Variants in CHD1L observed in about 807,000 individuals in gnomAD.
The protein encoded by CHD1L is ATP-dependent chromatin remodeler CHD1L.
In CHD1L, 118 loss-of-function variants were observed where a neutral mutation model predicts 115.9. The observed-to-expected ratio is 1.02, with a 90% CI of 0.88 to 1.19. The LOEUF (loss-of-function observed/expected upper bound fraction) is 1.19. Among genes scored for constraint, CHD1L ranks in the 50% most tolerant of loss-of-function variants. CHD1L has a pLI of 0.00. For synonymous variants in CHD1L, 411 were observed against 387.1 expected, an observed-to-expected ratio of 1.06 and a Z score of -0.72; for missense variants, 1,179 against 1,065.3, an observed-to-expected ratio of 1.11 and a Z score of -1.49.
chr1:147,224,964 G>A, the CHD1L span: 4 of 1,613,904 alleles, frequency 2.5e-6, no homozygotes, highest in Middle Eastern at 1.6e-4. Context: ...CTTCTTCTAC[G>A]CAGCACTTGA....
At chr1:147,186,613 T>A in the CHD1L span, 1 of 1,118,370 alleles carries the variant, frequency 8.9e-7, no homozygotes, top group Non-Finnish European at 1.1e-6. Flanking sequence ...CTACCACATG[T>A]CAAGAACTCT....
At chr1:147,191,337 C>T in the CHD1L span, among the ~76,000 whole-genome samples, 1 of 152,118 alleles carries the variant, frequency 6.6e-6, no homozygotes, top group Non-Finnish European at 1.5e-5. Flanking sequence ...ACATCCTCTC[C>T]AGCACCTGTT....
At chr1:147,227,321 C>T in the CHD1L span, among the ~76,000 whole-genome samples, 1 of 152,132 alleles carries the variant, frequency 6.6e-6, no homozygotes, top group Non-Finnish European at 1.5e-5. Flanking sequence ...GAAGAAATGC[C>T]TAAAGGAAAA....
intron 14 of CHD1L, among the ~76,000 whole-genome samples, chr1:147,276,873 T>C (rs1553958284): frequency 6.6e-6 from 1 of 152,098 alleles, no homozygotes. Flanking sequence ...GTTTTTGCCC[T>C]AAGGATGAGG....
At chr1:147,184,001 A>G in the CHD1L span, among the ~76,000 whole-genome samples, 1 of 152,192 alleles carries the variant, frequency 6.6e-6, no homozygotes, top group Non-Finnish European at 1.5e-5. The surrounding 1 kb of genome is among the most constrained non-coding windows in gnomAD (Gnocchi z 4.4). Flanking sequence ...TTATATCACC[A>G]TTTTACATTC....
At position 147,295,481 on chromosome 1, in the gene CHD1L, C is replaced by T; in HGVS notation, c.2666C>T (p.Ser889Phe). The change falls in exon 23 of 23, where the codon TCT becomes TTT. Residue 889 changes from serine to phenylalanine, a missense_variant. Physicochemically the swap from Ser to Phe is radical, Grantham distance 155. Coordinates refer to ENST00000369258, the MANE Select transcript of CHD1L (RefSeq NM_004284.6). ...KSAVLHSQSSSSSSRQLVP is the reference protein window; with the variant it reads ...KSAVLHSQSSFSSSRQLVP The stretch of plus-strand genomic sequence containing the variant: ...GCTGTCCTTCATTCACAGTCTTCAT[C>T]TTCCTCCTCAAGACAGCTGGTGCCT... 6.2e-7 allele frequency: 1 copy of T among 1,611,232 alleles called. No individual in the cohort carries two copies. The highest frequency in any genetic ancestry group is 8.5e-7 in the Non-Finnish European group (1 of 1,178,414).
chr1:147,179,965 AT>A, the CHD1L span, among the ~76,000 whole-genome samples: 2 of 140,598 alleles, frequency 1.4e-5, no homozygotes, highest in Non-Finnish European at 3.1e-5. Context: ...AAAAAAAAAA[AT>A]AGGAATGCGG....
the CHD1L span, chr1:147,178,536 TGAGGAA>T: frequency 6.2e-7 from 1 of 1,611,506 alleles, no homozygotes; most frequent in Non-Finnish European, 8.5e-7. Flanking sequence ...CTCTCAGGAC[TGAGGAA>T]GAATTTAAGA....
the CHD1L span, chr1:147,208,886 C>G: frequency 6.2e-7 from 1 of 1,614,096 alleles, no homozygotes; most frequent in Non-Finnish European, 8.5e-7. Context: ...ATTTCATGGT[C>G]AAACCTTTGG....
intron 14 of CHD1L, among the ~76,000 whole-genome samples, chr1:147,277,967 G>C (rs1424093999): frequency 6.6e-6 from 1 of 152,110 alleles, no homozygotes; most frequent in Non-Finnish European, 1.5e-5. Context: ...ACATCACTGT[G>C]AAAGATGTAG....
the CHD1L span, chr1:147,201,071 C>T: frequency 1.0e-6 from 1 of 962,888 alleles, no homozygotes; most frequent in Admixed American, 2.2e-5. Context: ...CATGCTATCT[C>T]TAGCTATTTA....
the CHD1L span, chr1:147,204,787 C>A: frequency 1.3e-6 from 2 of 1,585,706 alleles, no homozygotes; most frequent in Admixed American, 1.7e-5. Context: ...CATTCCATTT[C>A]GTCCATATGC....
the CHD1L span, chr1:147,204,371 C>CGCAT: frequency 3.9e-6 from 4 of 1,035,602 alleles, no homozygotes; most frequent in Admixed American, 1.7e-5. Context: ...AAAATAGATA[C>CGCAT]GCATGCCTGA....
In CHD1L at chr1:147,293,705, C is replaced by T. The variant is rs1253751844; in HGVS notation, c.2489C>T (p.Ala830Val). Residue 830 changes from alanine to valine, a missense_variant, in exon 21 of 23, where the codon GCA becomes GTA. Ala to Val is a moderately conservative substitution (Grantham distance 64). Coordinates refer to ENST00000369258, the MANE Select transcript of CHD1L (RefSeq NM_004284.6). ...LEEGLKKIFL[A>V]AKKKKASVHL... Reference sequence around the variant, plus strand: ...GAGGGCCTGAAGAAGATATTTTTAGCAGCAAAAAAGAAGAAAGGTAAGCTC... The same window carrying T: ...GAGGGCCTGAAGAAGATATTTTTAGTAGCAAAAAAGAAGAAAGGTAAGCTC... The T allele has an allele frequency of 1.2e-6, 2 of 1,613,420 alleles. No individual in the cohort carries two copies. The highest frequency in any genetic ancestry group is 1.1e-5 in the South Asian group (1 of 91,054).
At position 147,242,765 on chromosome 1, in the gene CHD1L, A is replaced by T; in HGVS notation, c.62A>T (p.His21Leu). Reference sequence around the variant, plus strand: ...GCCCCTGGCTTCTTACTGCGGCTTCATACTGAGGGCCGAGCCGAGGCGGCG... The same window carrying T: ...GCCCCTGGCTTCTTACTGCGGCTTCTTACTGAGGGCCGAGCCGAGGCGGCG... The part of the protein sequence containing the change: ...GQAPGFLLRL[H>L]TEGRAEAARV... The change falls in exon 1 of 23, where the codon CAT becomes CTT. Residue 21 changes from histidine (H) to leucine (L), a missense_variant. By Grantham distance (99) the His-to-Leu change is moderately conservative (BLOSUM62 -3). Coordinates refer to ENST00000369258, the MANE Select transcript of CHD1L (RefSeq NM_004284.6). 7.9e-7 allele frequency: 1 copy of T among 1,269,222 alleles called. No individual in the cohort carries two copies. The highest frequency in any genetic ancestry group is 1.0e-6 in the Non-Finnish European group (1 of 1,000,300). 78.6% of individuals were successfully genotyped at this position (1,269,222 alleles called of 1,614,324 possible). A position where few individuals can be genotyped will look rare whatever the true frequency, so the allele number is the denominator to read the frequency against.
intron 18 of CHD1L, among the ~76,000 whole-genome samples, chr1:147,287,408 C>G (rs1683597233): frequency 6.6e-6 from 1 of 152,178 alleles, no homozygotes; most frequent in African/African-American, 2.4e-5. Flanking sequence ...ATTGAGAACC[C>G]TAATTTTTGA....
rs374473153 is a variant in CHD1L, at chr1:147,280,019, A to C, written c.1540-7A>C. 8.7e-6 allele frequency: 14 copies of C among 1,613,418 alleles called. No individual in the cohort carries two copies. Among genetic ancestry groups the C allele is most frequent in the Admixed American group, 3.3e-5 (2 of 59,968 alleles). On this transcript the variant is annotated splice_region_variant and splice_polypyrimidine_tract_variant and intron_variant, in intron 14 of 22. Transcript: ENST00000369258. ...TTTGCTGGACTTTTTTGTTTCCTCT[A>C]TTCAAGTTGAGTGAGATACTCAAAT...
intron 5 of CHD1L, chr1:147,258,837 A>G (rs1670972569): frequency 6.6e-6 from 1 of 152,184 alleles, no homozygotes; most frequent in Non-Finnish European, 1.5e-5. Flanking sequence ...TATGAAAATA[A>G]TGTAATGGGA....
the CHD1L span, chr1:147,178,191 C>A: frequency 6.2e-7 from 1 of 1,612,148 alleles, no homozygotes; most frequent in South Asian, 1.1e-5. Flanking sequence ...CTGCCTCCGA[C>A]GTGCTAGGAC....
Sources: gnomAD v4.1 joint callset for allele counts (sites outside exome capture counted in the v4.1 genomes callset) on GRCh38, gnomAD v4.1.1 for gene constraint, Gnocchi (gnomAD v3.1) non-coding constraint, MANE v1.5 for transcripts, NCBI Gene and HGNC (gene_info 2026-07-23, HGNC 2026-07-21) for gene names.